The following CSMD3 variants were observed in gnomAD, a reference collection of about 807,000 sequenced individuals.
CSMD3 encodes CUB and sushi domain-containing protein 3.
CSMD3 carries 177 observed loss-of-function variants against 435.2 expected under a neutral mutation model. That is an observed-to-expected ratio of 0.41 (90% CI 0.36 to 0.46). The LOEUF is 0.46. Among genes scored for constraint, CSMD3 ranks in the 20% least tolerant of loss-of-function variants. The probability of loss-of-function intolerance (pLI) is 0.34; values close to 1 mark genes in which losing one functional copy is unlikely to be tolerated. For synonymous variants in CSMD3, 1,656 were observed against 1,520.5 expected (o/e 1.09, Z -2.07); for missense variants, 4,265 against 4,504.6 (o/e 0.95, Z 1.52).
chr8:113,016,738 A>G (rs2086473925), intron 6 of CSMD3, among the ~76,000 whole-genome samples: 1 of 151,912 alleles, frequency 6.6e-6, no homozygotes, highest in South Asian at 2.1e-4. Context: ...TAATGTAGAC[A>G]CCACTAAAAT....
At chr8:112,249,593 C>T (rs994951839) in intron 63 of CSMD3, among the ~76,000 whole-genome samples, 13 of 152,154 alleles carry the variant, frequency 8.5e-5, no homozygotes, top group South Asian at 2.1e-4. Flanking sequence ...CTATGCAACA[C>T]GAAAGTTTGA....
intron 38 of CSMD3, among the ~76,000 whole-genome samples, chr8:112,364,897 T>C (rs1383132067): frequency 2.0e-5 from 3 of 152,060 alleles, no homozygotes; most frequent in East Asian, 1.9e-4. Context: ...CTAATGTGGA[T>C]CAGGAAAAAG....
intron 1 of CSMD3, among the ~76,000 whole-genome samples, chr8:113,398,356 C>T (rs2094493822): frequency 6.6e-6 from 1 of 152,182 alleles, no homozygotes; most frequent in African/African-American, 2.4e-5. Context: ...TCTGGATTCT[C>T]TATTCTGTTT....
chr8:113,313,415 G>C (rs1469903232), intron 2 of CSMD3: 1 of 151,782 alleles, frequency 6.6e-6, no homozygotes, highest in Non-Finnish European at 1.5e-5. Flanking sequence ...TCCGCCTCCC[G>C]GGTTCACGCC....
chr8:112,311,221 C>A (rs2130816332), intron 49 of CSMD3, 55 bp from the exon 50 acceptor site: 1 of 1,451,160 alleles, frequency 6.9e-7, no homozygotes, highest in Non-Finnish European at 9.7e-7. Flanking sequence ...AGTTATTACC[C>A]AAAGTGATAA....
rs373304234 is a variant in CSMD3, at chr8:112,643,759, T to C, written c.3310+1350A>G. On this transcript the variant is annotated intron_variant, in intron 20 of 70. Coordinates refer to ENST00000297405, the MANE Select transcript of CSMD3 (RefSeq NM_198123.2). ...AAGTCTTCTACCTCATTCCTGCTAT[T>C]CAGTACCAGAATACTCATTTTAACA... 6.6e-5 allele frequency among the ~76,000 whole-genome samples: 10 copies of C among 151,778 alleles called. 1 individual carries two copies. The South Asian group carries it at 1.7e-3, about 25-fold the overall frequency.
chr8:112,280,621 C>A (rs1818538770), intron 59 of CSMD3, among the ~76,000 whole-genome samples: 1 of 152,128 alleles, frequency 6.6e-6, no homozygotes, highest in African/African-American at 2.4e-5. Flanking sequence ...TATAAATAAG[C>A]AATAATGTGT....
At chr8:112,590,816 T>C (rs1027428953) in intron 22 of CSMD3, among the ~76,000 whole-genome samples, 2 of 152,080 alleles carry the variant, frequency 1.3e-5, no homozygotes, top group Non-Finnish European at 1.5e-5. Context: ...CACTTCTTCC[T>C]ACCTTAACAT....
Position 113,387,642 on chromosome 8 carries a change from A to G in CSMD3, c.178+49035T>C, listed in dbSNP as rs1045740038. ...AAAAGGAGAATCCAGAAGAAGCAGA[A>G]GAAGGAATTTAAAAGGAGGATCCAG... On this transcript the variant is annotated intron_variant, in intron 1 of 70. Coordinates refer to ENST00000297405, the MANE Select transcript of CSMD3 (RefSeq NM_198123.2). Among the ~76,000 whole-genome samples, 8 of 151,782 alleles carry G rather than the reference A, an allele frequency of 5.3e-5. No individual in the cohort carries two copies. The South Asian group carries it at 8.3e-4, about 16-fold the overall frequency.
chr8:113,400,521 C>G (rs139705635), intron 1 of CSMD3, among the ~76,000 whole-genome samples: 2 of 151,882 alleles, frequency 1.3e-5, no homozygotes, highest in African/African-American at 2.4e-5. Flanking sequence ...TTTAAAGCAG[C>G]CTGAGTGCTA....
At chr8:113,238,542 C>CT (rs2093176091) in intron 3 of CSMD3, among the ~76,000 whole-genome samples, 2 of 152,094 alleles carry the variant, frequency 1.3e-5, no homozygotes, top group Admixed American at 1.3e-4. Flanking sequence ...TGGATCAAGT[C>CT]TTCAGCTTCA....
intron 4 of CSMD3, among the ~76,000 whole-genome samples, chr8:113,121,793 T>C (rs1203038027): frequency 6.6e-6 from 1 of 152,160 alleles, no homozygotes; most frequent in African/African-American, 2.4e-5. Flanking sequence ...TTTAATGTTC[T>C]AAATTTTAAG....
chr8:113,065,676 C>A (rs1209844189), intron 5 of CSMD3, among the ~76,000 whole-genome samples: 1 of 152,002 alleles, frequency 6.6e-6, no homozygotes, highest in Non-Finnish European at 1.5e-5. Flanking sequence ...GCGTGAGCCA[C>A]CGTGCCTGGC....
chr8:113,130,548 T>C (rs1420095551), intron 4 of CSMD3, among the ~76,000 whole-genome samples: 1 of 152,070 alleles, frequency 6.6e-6, no homozygotes, highest in East Asian at 1.9e-4. Flanking sequence ...ATTAAGCCTG[T>C]GGTACTGTGA....
chr8:112,251,778 C>T (rs1026879240), intron 63 of CSMD3, among the ~76,000 whole-genome samples: 1 of 151,620 alleles, frequency 6.6e-6, no homozygotes, highest in Non-Finnish European at 1.5e-5. Flanking sequence ...CTTTCCATTG[C>T]CCAGAGCTCA....
intron 38 of CSMD3, among the ~76,000 whole-genome samples, chr8:112,376,623 C>A (rs185862058): frequency 6.6e-6 from 1 of 152,064 alleles, no homozygotes; most frequent in East Asian, 1.9e-4. Flanking sequence ...GAAGCAGAAG[C>A]CAGCACAATT....
At chr8:112,652,194 G>C (rs575617461) in intron 18 of CSMD3, among the ~76,000 whole-genome samples, 1 of 152,140 alleles carries the variant, frequency 6.6e-6, no homozygotes, top group Admixed American at 6.5e-5. Context: ...TCTCCCAATG[G>C]TCATTTTTTA....
chr8:113,311,009 T>C (rs1036238454), intron 2 of CSMD3: 3 of 152,000 alleles, frequency 2.0e-5, no homozygotes, highest in African/African-American at 7.2e-5. Context: ...CATTATAATG[T>C]AGAGAGATTA....
intron 3 of CSMD3, among the ~76,000 whole-genome samples, chr8:113,221,372 C>CACAA (rs2092964361): frequency 6.6e-6 from 1 of 150,994 alleles, no homozygotes. Context: ...CACACACACA[C>CACAA]ACACACACAC....
Sources: gnomAD v4.1 joint callset for allele counts (sites outside exome capture counted in the v4.1 genomes callset) on GRCh38, gnomAD v4.1.1 for gene constraint, MANE v1.5 for transcripts, NCBI Gene and HGNC (gene_info 2026-07-23, HGNC 2026-07-21) for gene names.